Variants in BNC2 observed in about 807,000 individuals in gnomAD.
The protein encoded by BNC2 is basonuclin zinc finger protein 2, also known as zinc finger protein basonuclin-2.
BNC2 carries 20 observed loss-of-function variants against 76.3 expected under a neutral mutation model. That is an observed-to-expected ratio of 0.26 (90% confidence interval 0.18 to 0.38). BNC2 has a LOEUF of 0.38. Among genes scored for constraint, BNC2 ranks in the 10% least tolerant of loss-of-function variants. BNC2 has a pLI of 1.00. For missense variants in BNC2, 1,382 were observed against 1,399.8 expected (o/e 0.99, Z 0.20); for synonymous variants, 582 against 514.8 (o/e 1.13, Z -1.77).
chr9:16,499,775 C>T (rs1227825542), intron 5 of BNC2, among the ~76,000 whole-genome samples: 1 of 151,986 alleles, frequency 6.6e-6, no homozygotes, highest in African/African-American at 2.4e-5. Flanking sequence ...AAGTGATAAG[C>T]CTGCCTCAGC....
rs896708753 is a variant in BNC2, at chr9:16,845,911, A to G, written c.3+24735T>C. 9.9e-5 allele frequency among the ~76,000 whole-genome samples: 15 copies of G among 152,206 alleles called. No homozygotes were observed. In the South Asian group the frequency reaches 2.1e-3, roughly 21 times the overall value. On this transcript the variant is annotated intron_variant, in intron 1 of 6. Transcript: ENST00000380672. ...ACGCCTGTAATCCCAGCACTTTGGG[A>G]GGCCGAGACGGGCGGATCAGGAGGT...
At chr9:16,802,063 C>T (rs944096135) in intron 1 of BNC2, among the ~76,000 whole-genome samples, 1 of 152,104 alleles carries the variant, frequency 6.6e-6, no homozygotes, top group Admixed American at 6.6e-5. Context: ...CAAAATAAAA[C>T]GACTGTCTTC....
At chr9:16,695,741 G>A (rs1271153425) in intron 3 of BNC2, among the ~76,000 whole-genome samples, 1 of 151,824 alleles carries the variant, frequency 6.6e-6, no homozygotes, top group Non-Finnish European at 1.5e-5. Context: ...CATCTGTCAC[G>A]TACCTCTGTG....
intron 1 of BNC2, among the ~76,000 whole-genome samples, chr9:16,756,476 C>T (rs1036394819): frequency 1.3e-5 from 2 of 152,110 alleles, no homozygotes. Context: ...TTCTTGGAGT[C>T]ACCTTTTTCT....
chr9:16,434,918 T>C (rs555273201), intron 6 of BNC2: 1 of 468,286 alleles, frequency 2.1e-6, no homozygotes, highest in Non-Finnish European at 4.4e-6. Context: ...ACCATACCAT[T>C]TTCCCACATC....
rs35750662 is a variant in BNC2, at chr9:16,455,002, A to G, written c.670-17478T>C. On this transcript the variant is annotated intron_variant, in intron 5 of 6. Coordinates refer to ENST00000380672, the MANE Select transcript of BNC2 (RefSeq NM_017637.6). ...ATGGCAAGAGAGAAAAAGAGTGGCT[A>G]TCTCAGAAAAACAAGTTGGAAAGAA... 5.3e-3 allele frequency among the ~76,000 whole-genome samples: 807 copies of G among 152,284 alleles called. 9 individuals are homozygous for G. The highest frequency in any genetic ancestry group is 0.018 in the African/African-American group (761 of 41,560).
intron 3 of BNC2, among the ~76,000 whole-genome samples, chr9:16,603,877 T>A (rs1195927633): frequency 1.5e-5 from 1 of 64,720 alleles, no homozygotes; most frequent in Non-Finnish European, 4.7e-5. Context: ...TCTTAAAAAT[T>A]AGGTATTTTA....
intron 6 of BNC2, among the ~76,000 whole-genome samples, chr9:16,421,549 A>T (rs1820710364): frequency 6.6e-6 from 1 of 152,224 alleles, no homozygotes; most frequent in Admixed American, 6.5e-5. Flanking sequence ...AACCAAATTC[A>T]CAGCATCATC....
intron 3 of BNC2, among the ~76,000 whole-genome samples, chr9:16,687,849 T>G (rs1381676627): frequency 1.3e-5 from 2 of 152,148 alleles, no homozygotes; most frequent in East Asian, 3.9e-4. Context: ...TAAAATTACA[T>G]GCAATTACAA....
At chr9:16,742,985 G>A (rs1824893489) in intron 1 of BNC2, among the ~76,000 whole-genome samples, 1 of 152,156 alleles carries the variant, frequency 6.6e-6, no homozygotes, top group African/African-American at 2.4e-5. Flanking sequence ...AAGGAAGCAT[G>A]GACCTCATGA....
intron 4 of BNC2, among the ~76,000 whole-genome samples, chr9:16,571,289 T>C (rs1819316130): frequency 6.6e-6 from 1 of 152,176 alleles, no homozygotes; most frequent in South Asian, 2.1e-4. Context: ...AACTGACAAA[T>C]GCCTGTCTTC....
At chr9:16,781,553 T>C (rs1357180557) in intron 1 of BNC2, among the ~76,000 whole-genome samples, 2 of 152,162 alleles carry the variant, frequency 1.3e-5, no homozygotes, top group Non-Finnish European at 2.9e-5. Flanking sequence ...GTGTTGCCCA[T>C]GCTGGTCGCG....
intron 5 of BNC2, among the ~76,000 whole-genome samples, chr9:16,534,895 G>C (rs919105046): frequency 2.6e-5 from 4 of 152,086 alleles, no homozygotes; most frequent in African/African-American, 9.7e-5. Flanking sequence ...TAATCTTTTG[G>C]TTAAACATGT....
At chr9:16,617,223 A>T (rs894913248) in intron 3 of BNC2, among the ~76,000 whole-genome samples, 3 of 152,180 alleles carry the variant, frequency 2.0e-5, no homozygotes, top group Non-Finnish European at 4.4e-5. Flanking sequence ...TAGAACAAAC[A>T]AACAAACAAA....
chr9:16,555,326 G>T (rs1287829828), intron 4 of BNC2, among the ~76,000 whole-genome samples: 1 of 152,108 alleles, frequency 6.6e-6, no homozygotes, highest in African/African-American at 2.4e-5. Context: ...CCCGGCCAAG[G>T]TTGGTTGTTT....
intron 3 of BNC2, among the ~76,000 whole-genome samples, chr9:16,624,816 A>C (rs1820949468): frequency 6.6e-6 from 1 of 152,262 alleles, no homozygotes; most frequent in Non-Finnish European, 1.5e-5. Context: ...ATTTATTTAA[A>C]GAATGATCTT....
intron 1 of BNC2, among the ~76,000 whole-genome samples, chr9:16,784,425 A>T (rs994666366): frequency 4.6e-5 from 7 of 152,248 alleles, no homozygotes; most frequent in Non-Finnish European, 7.3e-5. Flanking sequence ...ATTGTCCCAC[A>T]AGGGACAAAG....
intron 3 of BNC2, among the ~76,000 whole-genome samples, chr9:16,691,736 C>T (rs1033608753): frequency 1.3e-5 from 2 of 151,620 alleles, no homozygotes; most frequent in Admixed American, 1.3e-4. Flanking sequence ...GTCTCGATCT[C>T]CTGACCTCAT....
At chr9:16,855,383 T>A (rs1335477055) in intron 1 of BNC2, among the ~76,000 whole-genome samples, 2 of 152,192 alleles carry the variant, frequency 1.3e-5, no homozygotes, top group African/African-American at 2.4e-5. Context: ...CCTAATAGAG[T>A]ATCACATACA....
Sources: allele counts gnomAD v4.1 joint callset (sites outside exome capture counted in the v4.1 genomes callset), GRCh38; gene constraint gnomAD v4.1.1; transcripts MANE v1.5; gene names NCBI Gene and HGNC (gene_info 2026-07-23, HGNC 2026-07-21).